OR51B5: variants seen among roughly 807,000 people sequenced by gnomAD.
OR51B5 encodes olfactory receptor 51B5.
For missense variants in OR51B5, 456 were observed against 374.6 expected, an observed-to-expected ratio of 1.22 and a Z score of -1.79; for synonymous variants, 186 against 144.8, an observed-to-expected ratio of 1.28 and a Z score of -2.04.
chr11:5,488,588 G>C, intron 1 of OR51B5: 1 of 800,780 alleles, frequency 1.2e-6, no homozygotes, highest in Middle Eastern at 3.2e-4. Context: ...AATTTTTTTA[G>C]TCTAAAAAAG....
chr11:5,370,025 G>A (rs773733416), intron 1 of OR51B5, among the ~76,000 whole-genome samples: 12 of 152,128 alleles, frequency 7.9e-5, no homozygotes, highest in African/African-American at 1.9e-4. Context: ...ACCTCCCTCT[G>A]CATGGCCCCA....
At chr11:5,390,167 C>T (rs748174844) in intron 1 of OR51B5, 2 of 1,613,880 alleles carry the variant, frequency 1.2e-6, no homozygotes, top group Non-Finnish European at 8.5e-7. Flanking sequence ...CACCGCTCCT[C>T]TCTGTGCTGT....
intron 1 of OR51B5, chr11:5,453,894 C>T (rs1458892310): frequency 8.7e-6 from 14 of 1,614,110 alleles, no homozygotes; most frequent in Non-Finnish European, 1.2e-5. Context: ...TGCAACTGTG[C>T]TCACCACTGA....
chr11:5,430,611 A>T (rs1365632983), intron 1 of OR51B5: 1 of 414,752 alleles, frequency 2.4e-6, no homozygotes, highest in African/African-American at 2.0e-5. Flanking sequence ...ACATTATCGG[A>T]ATTTATGAAT....
intron 1 of OR51B5, among the ~76,000 whole-genome samples, chr11:5,373,366 G>A (rs938151354): frequency 2.0e-5 from 3 of 152,148 alleles, no homozygotes; most frequent in Non-Finnish European, 2.9e-5. Context: ...GGCCAAATAG[G>A]AACAGCTCTG....
At chr11:5,361,504 C>T (rs16913820) in intron 1 of OR51B5, among the ~76,000 whole-genome samples, 16,859 of 152,062 alleles carry the variant, frequency 0.11, 1,051 homozygotes, top group South Asian at 0.15. Context: ...ATGAACAGGT[C>T]GGTAAAGAAC....
chr11:5,389,709 T>C lies in OR51B5; in HGVS notation n.85-42799A>G, dbSNP rs774940903. 9.9e-6 allele frequency: 16 copies of C among 1,613,700 alleles called. No homozygotes were observed. In the South Asian group the frequency reaches 1.3e-4, roughly 13 times the overall value. ...ATCTTCTGGTTTAACTCCCATAGTA[T>C]CTACTTTGGAGCGTGTCAAATCCAG... On this transcript the variant is annotated intron_variant and non_coding_transcript_variant, in intron 1 of 4. Transcript: ENST00000415970.
chr11:5,492,705 C>T (rs1019359075), intron 1 of OR51B5, among the ~76,000 whole-genome samples: 7 of 152,174 alleles, frequency 4.6e-5, no homozygotes, highest in Non-Finnish European at 7.4e-5. Context: ...GGCACAATCT[C>T]GACTTACTGC....
intron 1 of OR51B5, among the ~76,000 whole-genome samples, chr11:5,475,411 T>C (rs1032113382): frequency 1.3e-5 from 2 of 152,208 alleles, no homozygotes; most frequent in African/African-American, 4.8e-5. Context: ...CCTCAAGGCC[T>C]TAACAAATGC....
rs1194176598 is a variant in OR51B5, at chr11:5,416,961, C to T, written n.85-70051G>A. Among the ~76,000 whole-genome samples, 373 of 145,676 alleles carry T rather than the reference C, an allele frequency of 2.6e-3. 1 individual carries two copies. Among genetic ancestry groups the T allele is most frequent in the African/African-American group, 8.7e-3 (352 of 40,328 alleles). On this transcript the variant is annotated intron_variant and non_coding_transcript_variant, in intron 1 of 4. Coordinates refer to the OR51B5 transcript ENST00000415970. ...TCATATGGAACCAAAAAAGAGCCCG[C>T]ATCGCCAAGTCAATCCTAAGCCAAA...
Position 5,417,552 on chromosome 11 carries a change from A to G in OR51B5, n.85-70642T>C, listed in dbSNP as rs36152034. ...ATCTGACAAAGGGCTAATATCCAGAATCTACAATGAACTCAAACAAATTTA... is the reference window on the plus strand; with the variant it reads ...ATCTGACAAAGGGCTAATATCCAGAGTCTACAATGAACTCAAACAAATTTA... On this transcript the variant is annotated intron_variant and non_coding_transcript_variant, in intron 1 of 4. Transcript: ENST00000415970. Among the ~76,000 whole-genome samples, 5,267 of 149,782 alleles carry G rather than the reference A, an allele frequency of 0.035. 418 individuals carry two copies. In the East Asian group the frequency reaches 0.37, roughly 11 times the overall value.
intron 1 of OR51B5, among the ~76,000 whole-genome samples, chr11:5,403,771 ATGAGGTTTTCTTCAT>A (rs1403672319): frequency 6.6e-6 from 1 of 152,108 alleles, no homozygotes; most frequent in East Asian, 1.9e-4. Context: ...AACATGTGGT[ATGAGGTTTTCTTCAT>A]TACCTTGCAT....
At chr11:5,369,491 A>G (rs1849419595) in intron 1 of OR51B5, among the ~76,000 whole-genome samples, 1 of 152,170 alleles carries the variant, frequency 6.6e-6, no homozygotes, top group Admixed American at 6.6e-5. Flanking sequence ...TGATAATTTG[A>G]GACATTTAAA....
At chr11:5,464,527 A>G (rs1225916262) in intron 1 of OR51B5, among the ~76,000 whole-genome samples, 1 of 149,224 alleles carries the variant, frequency 6.7e-6, no homozygotes, top group Non-Finnish European at 1.5e-5. Context: ...ATGAGTGAGA[A>G]TATGTGGTGT....
At chr11:5,429,457 A>T (rs1458002609) in intron 1 of OR51B5, among the ~76,000 whole-genome samples, 1 of 152,160 alleles carries the variant, frequency 6.6e-6, no homozygotes, top group Non-Finnish European at 1.5e-5. Context: ...CAATATTTTC[A>T]TTGTAATTGG....
chr11:5,502,933 A>G (rs1846316925), intron 1 of OR51B5, among the ~76,000 whole-genome samples: 1 of 152,186 alleles, frequency 6.6e-6, no homozygotes, highest in African/African-American at 2.4e-5. Flanking sequence ...ACCAAACATC[A>G]TTTCTTACAT....
chr11:5,414,041 G>A (rs1190060628), intron 1 of OR51B5, among the ~76,000 whole-genome samples: 11 of 150,076 alleles, frequency 7.3e-5, no homozygotes, highest in African/African-American at 1.2e-4. Flanking sequence ...GAGAAAGGTC[G>A]GGTTACCCTC....
chr11:5,440,480 G>T, intron 1 of OR51B5: 1 of 799,828 alleles, frequency 1.3e-6, no homozygotes, highest in Middle Eastern at 2.4e-4. Context: ...CAAGATCCTG[G>T]GTCCTCTTCA....
At chr11:5,483,720 T>C (rs1171347067) in intron 1 of OR51B5, among the ~76,000 whole-genome samples, 1 of 152,092 alleles carries the variant, frequency 6.6e-6, no homozygotes, top group East Asian at 1.9e-4. Flanking sequence ...TATCTTTCCC[T>C]CAATAGATGG....
Sources: allele counts gnomAD v4.1 joint callset (sites outside exome capture counted in the v4.1 genomes callset), GRCh38; gene constraint gnomAD v4.1.1; transcripts MANE v1.5; gene names NCBI Gene and HGNC (gene_info 2026-07-23, HGNC 2026-07-21).